The following MTMR2 variants were observed in gnomAD, a reference collection of about 807,000 sequenced individuals.
MTMR2 encodes myotubularin related protein 2, also known as phosphatidylinositol-3,5-bisphosphate 3-phosphatase MTMR2.
A neutral mutation model predicts 86.9 loss-of-function variants in MTMR2; 55 were observed. That is an observed-to-expected ratio of 0.63 (90% CI 0.51 to 0.79). The LOEUF (loss-of-function observed/expected upper bound fraction) is 0.79. Among genes scored for constraint, MTMR2 ranks in the 30% least tolerant of loss-of-function variants. The pLI is 0.00. For missense variants in MTMR2, 659 were observed against 772.3 expected (o/e 0.85, Z 1.74); for synonymous variants, 241 against 266.8 (o/e 0.90, Z 0.94).
intron 7 of MTMR2, among the ~76,000 whole-genome samples, chr11:95,854,054 G>C (rs1864120971): frequency 6.6e-6 from 1 of 152,096 alleles, no homozygotes; most frequent in Non-Finnish European, 1.5e-5. Flanking sequence ...TAAGTAGCAG[G>C]GTGGGGTAGG....
At chr11:95,897,327 T>C (rs972952695) in intron 1 of MTMR2, among the ~76,000 whole-genome samples, 1 of 152,136 alleles carries the variant, frequency 6.6e-6, no homozygotes, top group African/African-American at 2.4e-5. Flanking sequence ...ACACACACGA[T>C]GCACACATGC....
intron 1 of MTMR2, among the ~76,000 whole-genome samples, chr11:95,903,253 G>C (rs764619131): frequency 1.3e-5 from 2 of 151,986 alleles, no homozygotes; most frequent in Non-Finnish European, 2.9e-5. Context: ...CCAACACTTC[G>C]AATTGTTCAA....
chr11:95,844,889 A>AT (rs1863706554), intron 11 of MTMR2, 64 bp downstream of exon 11: 8 of 1,409,300 alleles, frequency 5.7e-6, no homozygotes, highest in South Asian at 1.2e-5. Context: ...TAAAAAACAC[A>AT]TTTTTTTCAC....
At chr11:95,861,411 ATTAT>A (rs1864417382) in intron 5 of MTMR2, among the ~76,000 whole-genome samples, 1 of 146,178 alleles carries the variant, frequency 6.8e-6, no homozygotes, top group South Asian at 2.1e-4. Flanking sequence ...GGTTATTATT[ATTAT>A]TATTATTATT....
At chr11:95,856,666 G>A (rs767998569) in intron 7 of MTMR2, among the ~76,000 whole-genome samples, 1 of 151,850 alleles carries the variant, frequency 6.6e-6, no homozygotes, top group Non-Finnish European at 1.5e-5. Context: ...TTCTCTTTCT[G>A]TATGGGTATA....
intron 2 of MTMR2, among the ~76,000 whole-genome samples, chr11:95,885,033 A>G (rs941427435): frequency 6.6e-6 from 1 of 152,062 alleles, no homozygotes; most frequent in African/African-American, 2.4e-5. Flanking sequence ...GGTCTTCCTA[A>G]GTTGTTAAAG....
At chr11:95,863,040 T>C (rs1864482484) in intron 3 of MTMR2, among the ~76,000 whole-genome samples, 1 of 152,220 alleles carries the variant, frequency 6.6e-6, no homozygotes, top group African/African-American at 2.4e-5. Context: ...TTTTGTAAAA[T>C]ATGCATTAAC....
intron 2 of MTMR2, among the ~76,000 whole-genome samples, chr11:95,868,390 G>C (rs1467603788): frequency 6.6e-6 from 1 of 150,914 alleles, no homozygotes; most frequent in Non-Finnish European, 1.5e-5. Context: ...AAATGAATGA[G>C]AATGACTGCA....
chr11:95,858,379 G>C (rs1446607481), intron 6 of MTMR2, 152 bp downstream of exon 6: 2 of 637,948 alleles, frequency 3.1e-6, no homozygotes, highest in Non-Finnish European at 5.6e-6. Flanking sequence ...TAAAGAAATT[G>C]ATCTAAGAGA....
rs1345338992 is a variant in MTMR2 at position 95,835,270 on chromosome 11, G to A, written c.*20C>T. Reference sequence around the variant, plus strand: ...GTAATCAAGAGTGTATAGCAATGATGCCCCTGATCTTACAGTCCTTTATAC... The same window carrying A: ...GTAATCAAGAGTGTATAGCAATGATACCCCTGATCTTACAGTCCTTTATAC... On this transcript the variant is annotated 3_prime_UTR_variant, in exon 15 of 15. Coordinates refer to ENST00000346299, the MANE Select transcript of MTMR2 (RefSeq NM_016156.6). 5 of 1,611,400 alleles carry A rather than the reference G, an allele frequency of 3.1e-6. No homozygotes were observed. The highest frequency in any genetic ancestry group is 3.3e-5 in the Admixed American group (2 of 59,764).
At chr11:95,846,260 T>C (rs1365041145) in intron 10 of MTMR2, among the ~76,000 whole-genome samples, 2 of 152,226 alleles carry the variant, frequency 1.3e-5, no homozygotes, top group Non-Finnish European at 1.5e-5. Context: ...AAAGTAGTAA[T>C]TGTTCATTCA....
chr11:95,872,165 T>C (rs1259823054), intron 2 of MTMR2, among the ~76,000 whole-genome samples: 2 of 152,208 alleles, frequency 1.3e-5, no homozygotes, highest in African/African-American at 4.8e-5. Flanking sequence ...AAGAAAGTCA[T>C]TGGCAGCTTG....
chr11:95,835,391 C>A lies in MTMR2; in HGVS notation c.1831G>T (p.Val611Leu). The change falls in exon 15 of 15, where the codon GTA becomes TTA. Residue 611 changes from valine to leucine, a missense_variant. Transcript: ENST00000346299. Reference protein sequence around the residue: ...LAKRAELQKKVEELQREISNR... With the variant: ...LAKRAELQKKLEELQREISNR... ...GAAATCTCTCTCTGTAGTTCCTCTA[C>A]TTTTTTCTGAAGCTCTGCTCGTTTA... The A allele has an allele frequency of 6.2e-7, 1 of 1,613,198 alleles. No individual in the cohort carries two copies. Among genetic ancestry groups the A allele is most frequent in the Non-Finnish European group, 8.5e-7 (1 of 1,179,372 alleles).
chr11:95,857,775 A>T, intron 6 of MTMR2, 140 bp from the exon 7 acceptor site: 2 of 646,814 alleles, frequency 3.1e-6, no homozygotes, highest in South Asian at 3.8e-5. Context: ...TTTGTATTAT[A>T]GTTTTTGTTT....
chr11:95,865,998 A>G, intron 2 of MTMR2, among the ~76,000 whole-genome samples: 1 of 152,200 alleles, frequency 6.6e-6, no homozygotes, highest in East Asian at 1.9e-4. Flanking sequence ...ATGAGGAAAA[A>G]GCAGCCGAAA....
chr11:95,865,972 T>C (rs573747000), intron 2 of MTMR2, among the ~76,000 whole-genome samples: 1 of 152,312 alleles, frequency 6.6e-6, no homozygotes, highest in African/African-American at 2.4e-5. Context: ...AGAGGTATTA[T>C]ATCCTCATTT....
intron 5 of MTMR2, 70 bp downstream of exon 5, chr11:95,861,921 CA>C: frequency 8.8e-7 from 1 of 1,132,052 alleles, no homozygotes; most frequent in Non-Finnish European, 1.3e-6. Context: ...AAACCAATTT[CA>C]AAACAGAGGT....
At chr11:95,889,682 T>C (rs551808766) in intron 1 of MTMR2, among the ~76,000 whole-genome samples, 1 of 152,234 alleles carries the variant, frequency 6.6e-6, no homozygotes, top group Admixed American at 6.5e-5. Flanking sequence ...TTCCACAAAA[T>C]CTACTTCAGG....
At chr11:95,850,473 C>T in intron 8 of MTMR2, 127 bp downstream of exon 8, 1 of 981,154 alleles carries the variant, frequency 1.0e-6, no homozygotes, top group Non-Finnish European at 1.6e-6. Flanking sequence ...AATCAATCTC[C>T]AATATCCCCA....
Sources: gnomAD v4.1 joint callset for allele counts (sites outside exome capture counted in the v4.1 genomes callset) on GRCh38, gnomAD v4.1.1 for gene constraint, MANE v1.5 for transcripts, NCBI Gene and HGNC (gene_info 2026-07-23, HGNC 2026-07-21) for gene names.